The following TRIP10 variants were observed in gnomAD, a reference collection of about 807,000 sequenced individuals.
The protein encoded by TRIP10 is thyroid hormone receptor interactor 10.
In TRIP10, 54 loss-of-function variants were observed where a neutral mutation model predicts 80.9. The observed-to-expected ratio is 0.67, with a 90% CI of 0.54 to 0.84. The LOEUF is 0.84. TRIP10 is among the 40% of genes least tolerant of loss of function. The pLI, the probability that TRIP10 is intolerant of heterozygous loss-of-function variation, is 0.00. For missense variants in TRIP10, 773 were observed against 815.3 expected (o/e 0.95, Z 0.63); for synonymous variants, 321 against 307.2 (o/e 1.04, Z -0.47).
chr19:6,740,063 G>A lies in TRIP10; in HGVS notation c.24+278G>A, dbSNP rs367860166. Reference sequence around the variant, plus strand: ...CCTGGGGCCAGGCCGGGGCGGCTGAGAGAGGTCACCTATTTTGGGCGCCCT... The same window carrying A: ...CCTGGGGCCAGGCCGGGGCGGCTGAAAGAGGTCACCTATTTTGGGCGCCCT... On this transcript the variant is annotated intron_variant, in intron 1 of 14. Coordinates refer to ENST00000313244, the MANE Select transcript of TRIP10 (RefSeq NM_001288962.2). Among the ~76,000 whole-genome samples, 7 of 152,300 alleles carry A rather than the reference G, an allele frequency of 4.6e-5. No individual in the cohort carries two copies. The East Asian group carries it at 1.2e-3, about 25-fold the overall frequency.
chr19:6,743,035 T>C lies in TRIP10; in HGVS notation c.266T>C (p.Leu89Pro), dbSNP rs142559634. The part of the protein sequence containing the change: ...EVNDFAGQRE[L>P]VAENLSVRVC... ...AATGACTTTGCAGGCCAGCGGGAGC[T>C]GGTGGCTGAGAACCTCAGTGTCCGT... Residue 89 changes from leucine (L) to proline (P), a missense_variant, in exon 4 of 15, where the codon CTG (leucine) becomes CCG (proline). By Grantham distance (98) the Leu-to-Pro change is moderately conservative. Transcript: ENST00000313244. 1.2e-6 allele frequency: 2 copies of C among 1,614,176 alleles called. No homozygotes were observed. Among genetic ancestry groups the C allele is most frequent in the Non-Finnish European group, 1.7e-6 (2 of 1,180,038 alleles).
At chr19:6,743,161 C>A (rs913999818) in intron 4 of TRIP10, 33 bp from the exon 5 acceptor site, 1 of 1,614,120 alleles carries the variant, frequency 6.2e-7, no homozygotes, top group East Asian at 2.2e-5. Flanking sequence ...TCTGCTGGAA[C>A]CCTGGCGAGC....
chr19:6,747,939 C>T (rs941956245), intron 11 of TRIP10, among the ~76,000 whole-genome samples: 6 of 151,178 alleles, frequency 4.0e-5, no homozygotes, highest in African/African-American at 1.5e-4. Flanking sequence ...AAAACCCCAT[C>T]TCTTAGAAGA....
At chr19:6,741,947 A>C (rs1968928953) in intron 3 of TRIP10, among the ~76,000 whole-genome samples, 1 of 151,942 alleles carries the variant, frequency 6.6e-6, no homozygotes, top group Non-Finnish European at 1.5e-5. Flanking sequence ...CCTCCCTAGT[A>C]GCTGGGATTA....
Position 6,751,483 on chromosome 19 carries a change from G to T in TRIP10, c.*272G>T. 1 of 749,372 alleles carries T rather than the reference G, an allele frequency of 1.3e-6. No individual in the cohort carries two copies. Among genetic ancestry groups the T allele is most frequent in the Non-Finnish European group, 1.9e-6 (1 of 532,358 alleles). The allele number at this position is 749,372 out of a possible 1,614,324, so 46.4% of individuals were successfully genotyped here. A position where few individuals can be genotyped will look rare whatever the true frequency, so the allele number is the denominator to read the frequency against. On this transcript the variant is annotated 3_prime_UTR_variant, in exon 15 of 15. Coordinates refer to ENST00000313244, the MANE Select transcript of TRIP10 (RefSeq NM_001288962.2). The stretch of plus-strand genomic sequence containing the variant: ...GGCCATTTTGTTTTATACAAAAATG[G>T]GAAAAAAAAAAAAGAAATTATATAA...
In TRIP10 at chr19:6,741,143, A is replaced by G. The variant is rs1301359678; in HGVS notation, c.140+18A>G. On this transcript the variant is annotated intron_variant, in intron 2 of 14. Coordinates refer to ENST00000313244, the MANE Select transcript of TRIP10 (RefSeq NM_001288962.2). Reference sequence around the variant, plus strand: ...CAACTGCGGTGAGACCCTGGGGTGGACGCTACGGAGGACGCGCCTGGGGCG... The same window carrying G: ...CAACTGCGGTGAGACCCTGGGGTGGGCGCTACGGAGGACGCGCCTGGGGCG... The G allele has an allele frequency of 3.1e-6, 5 of 1,613,936 alleles. No individual in the cohort carries two copies. In the African/African-American group the frequency reaches 6.7e-5, roughly 22 times the overall value.
intron 3 of TRIP10, 138 bp downstream of exon 3, chr19:6,741,419 C>A: frequency 2.9e-6 from 3 of 1,022,456 alleles, no homozygotes; most frequent in South Asian, 1.4e-5. Flanking sequence ...ATGCAAGATG[C>A]GGGATTATCT....
chr19:6,739,713 G>GGCGGGCA lies in TRIP10; in HGVS notation c.-44_-43insCAGCGGG. ...CCGGGGAGGGCGGCGGGCGGCGGGC[G>GGCGGGCA]GCGGGGACCGGGTGCGGTGGTGGCT... On this transcript the variant is annotated 5_prime_UTR_variant, in exon 1 of 15. Transcript: ENST00000313244. 1.6e-6 allele frequency: 2 copies of GGCGGGCA among 1,289,828 alleles called. No homozygotes were observed. The highest frequency in any genetic ancestry group is 2.0e-6 in the Non-Finnish European group (2 of 1,015,752). 79.9% of individuals were successfully genotyped at this position (1,289,828 alleles called of 1,614,324 possible).
intron 11 of TRIP10, 131 bp from the exon 12 acceptor site, chr19:6,749,803 A>G: frequency 2.3e-6 from 3 of 1,317,366 alleles, no homozygotes; most frequent in Non-Finnish European, 3.1e-6. Context: ...GTGAGCCATG[A>G]TTGCACCACT....
At chr19:6,740,843 CCA>C in intron 1 of TRIP10, 165 bp from the exon 2 acceptor site, 1 of 601,908 alleles carries the variant, frequency 1.7e-6, no homozygotes, top group South Asian at 2.0e-5. Flanking sequence ...GGGGTTCCCG[CCA>C]GTTTCCTGCC....
intron 13 of TRIP10, 29 bp from the exon 14 acceptor site, chr19:6,750,483 T>C (rs1568257006): frequency 6.2e-7 from 1 of 1,613,920 alleles, no homozygotes; most frequent in Non-Finnish European, 8.5e-7. Context: ...GGAGGGCCTG[T>C]CTTTATCTGC....
rs1344351727 is a variant in TRIP10, at chr19:6,746,204, A to G, written c.1152+8A>G. On this transcript the variant is annotated splice_region_variant and intron_variant, in intron 10 of 14. Transcript: ENST00000313244. The surrounding 1 kb of genome is among the most constrained non-coding windows in gnomAD (Gnocchi z 6.2). ...CTTCGAGGCAGCCGTGGGGTAAGTG[A>G]GGCCTCGGGGCAGGAGGAGGTGGTG... The G allele has an allele frequency of 1.3e-6, 2 of 1,521,928 alleles. No individual in the cohort carries two copies. Among genetic ancestry groups the G allele is most frequent in the South Asian group, 1.2e-5 (1 of 80,896 alleles). The allele number at this position is 1,521,928 out of a possible 1,614,324, so 94.3% of individuals were successfully genotyped here.
chr19:6,746,224 G>GT lies in TRIP10; in HGVS notation c.1152+29dup. ...AAGTGAGGCCTCGGGGCAGGAGGAGGTGGTGGCCCTAGCCTGCCCAGCGGC... is the reference window on the plus strand; with the variant it reads ...AAGTGAGGCCTCGGGGCAGGAGGAGGTTGGTGGCCCTAGCCTGCCCAGCGGC... On this transcript the variant is annotated intron_variant, in intron 10 of 14. Transcript: ENST00000313244. The surrounding 1 kb of genome is among the most constrained non-coding windows in gnomAD (Gnocchi z 6.2). The GT allele has an allele frequency of 2.0e-6, 3 of 1,507,272 alleles. No individual in the cohort carries two copies. The highest frequency in any genetic ancestry group is 2.7e-6 in the Non-Finnish European group (3 of 1,121,516). 93.4% of individuals were successfully genotyped at this position (1,507,272 alleles called of 1,614,324 possible). A position where few individuals can be genotyped will look rare whatever the true frequency, so the allele number is the denominator to read the frequency against.
At chr19:6,742,847 G>A (rs946686072) in intron 3 of TRIP10, 120 bp from the exon 4 acceptor site, 4 of 1,349,698 alleles carry the variant, frequency 3.0e-6, no homozygotes, top group Non-Finnish European at 4.0e-6. Flanking sequence ...ATTTGTCATC[G>A]CTTCAGGGAT....
chr19:6,745,260 G>A lies in TRIP10; in HGVS notation c.984+266G>A. On this transcript the variant is annotated intron_variant, in intron 9 of 14. Coordinates refer to ENST00000313244, the MANE Select transcript of TRIP10 (RefSeq NM_001288962.2). The surrounding 1 kb of genome is among the most constrained non-coding windows in gnomAD (Gnocchi z 7.2). ...GGATGCTGGGAGAAAACCTGCTGGT[G>A]GAATTCAGGGCTGGCCTGAGGGCTG... 1.9e-6 allele frequency: 1 copy of A among 524,316 alleles called. No homozygotes were observed. The highest frequency in any genetic ancestry group is 3.3e-6 in the Non-Finnish European group (1 of 299,704). The allele number at this position is 524,316 out of a possible 1,614,324, so 32.5% of individuals were successfully genotyped here.
At chr19:6,749,887 T>C in intron 11 of TRIP10, 47 bp from the exon 12 acceptor site, 1 of 1,583,744 alleles carries the variant, frequency 6.3e-7, no homozygotes, top group Non-Finnish European at 8.6e-7. Flanking sequence ...ACAAAAAAAC[T>C]CACACGGAAG....
Position 6,750,330 on chromosome 19 carries a change from C to T in TRIP10, c.1434C>T (p.Asn478=), listed in dbSNP as rs745622397. The change falls in exon 13 of 15, where the codon AAC becomes AAT. Residue 478 remains asparagine (N), a synonymous_variant. Transcript: ENST00000313244. ...AAGCTGAAAGTCGAGTCCTTAGCAA[C>T]CGGGGAGACAGCCTGAGCCGGCACG... ...LAEAESRVLS[N]RGDSLSRHAR... 7 of 1,614,110 alleles carry T rather than the reference C, an allele frequency of 4.3e-6. No individual in the cohort carries two copies. Among genetic ancestry groups the T allele is most frequent in the Non-Finnish European group, 5.9e-6 (7 of 1,180,004 alleles).
Position 6,750,030 on chromosome 19 carries a change from C to A in TRIP10, c.1359C>A (p.Asn453Lys), listed in dbSNP as rs1000590598. 2.5e-6 allele frequency: 4 copies of A among 1,609,646 alleles called. No homozygotes were observed. Among genetic ancestry groups the A allele is most frequent in the Non-Finnish European group, 3.4e-6 (4 of 1,178,790 alleles). ...CCCAGATCGCTGAAACCCTGAGCAACATTGAACGGCTGAAATTGGAAGTGC... is the reference window on the plus strand; with the variant it reads ...CCCAGATCGCTGAAACCCTGAGCAAAATTGAACGGCTGAAATTGGAAGTGC... ...LEPQIAETLS[N>K]IERLKLEVQK... is the part of the protein sequence containing the mutation. The change falls in exon 12 of 15, where the codon AAC becomes AAA. Residue 453 changes from asparagine to lysine, a missense_variant. Asn to Lys is a moderately conservative substitution (Grantham distance 94). Coordinates refer to ENST00000313244, the MANE Select transcript of TRIP10 (RefSeq NM_001288962.2).
At position 6,741,031 on chromosome 19, in the gene TRIP10, C is replaced by T. The variant is rs750680569; in HGVS notation, c.46C>T (p.Arg16Cys). The change falls in exon 2 of 15, where the codon CGC (arginine) becomes TGC (cysteine). Residue 16 changes from arginine to cysteine, a missense_variant. Transcript: ENST00000313244. Reference protein sequence around the residue: ...ELWDQFEVLERHTQWGLDLLD... With the variant: ...ELWDQFEVLECHTQWGLDLLD... ...TCAGGATCAGTTCGAGGTGCTCGAG[C>T]GCCACACGCAGTGGGGGCTGGACCT... 10 of 1,613,788 alleles carry T rather than the reference C, an allele frequency of 6.2e-6. No individual in the cohort carries two copies. In the South Asian group the frequency reaches 9.9e-5, roughly 16 times the overall value.
Sources: allele counts gnomAD v4.1 joint callset (sites outside exome capture counted in the v4.1 genomes callset), GRCh38; gene constraint gnomAD v4.1.1; non-coding constraint Gnocchi (gnomAD v3.1); transcripts MANE v1.5; gene names NCBI Gene and HGNC (gene_info 2026-07-23, HGNC 2026-07-21).